TNPO1: variants seen among roughly 807,000 people sequenced by gnomAD.
TNPO1 encodes transportin 1, also known as transportin-1.
TNPO1 carries 8 observed loss-of-function variants against 119.5 expected under a neutral mutation model. The ratio of observed to expected loss-of-function variants is 0.07; its 90% CI spans 0.04 to 0.12. The LOEUF (loss-of-function observed/expected upper bound fraction) is 0.12. TNPO1 is among the 10% of genes least tolerant of loss of function. The pLI, the probability that TNPO1 is intolerant of heterozygous loss-of-function variation, is 1.00. For synonymous variants in TNPO1, 362 were observed against 363.0 expected (o/e 1.00, Z 0.03); for missense variants, 576 against 1,089.8 (o/e 0.53, Z 6.64).
At chr5:72,887,530 C>G (rs1201819641) in intron 12 of TNPO1, among the ~76,000 whole-genome samples, 2 of 152,052 alleles carry the variant, frequency 1.3e-5, no homozygotes, top group African/African-American at 4.8e-5. Context: ...GCTAAAAATA[C>G]AAAAATTAGC....
intron 4 of TNPO1, among the ~76,000 whole-genome samples, chr5:72,860,915 T>C (rs1196415316): frequency 7.0e-6 from 1 of 142,320 alleles, no homozygotes; most frequent in Non-Finnish European, 1.5e-5. Flanking sequence ...TAAATTAGAA[T>C]TTTTTTTTTT....
intron 1 of TNPO1, among the ~76,000 whole-genome samples, chr5:72,834,150 T>C (rs1374680070): frequency 6.6e-6 from 1 of 152,218 alleles, no homozygotes; most frequent in Non-Finnish European, 1.5e-5. Context: ...GGCCCTGGTG[T>C]AAATAAACCT....
At chr5:72,837,116 G>A (rs1309634154) in intron 1 of TNPO1, among the ~76,000 whole-genome samples, 2 of 152,044 alleles carry the variant, frequency 1.3e-5, no homozygotes, top group African/African-American at 4.8e-5. Context: ...ACATTTTTAG[G>A]TATTTCTTAT....
intron 19 of TNPO1, 90 bp downstream of exon 19, chr5:72,896,646 G>C (rs1749448144): frequency 1.1e-6 from 1 of 947,862 alleles, no homozygotes; most frequent in East Asian, 2.9e-5. Flanking sequence ...GAGGCGGGCA[G>C]ATCACCTGAG....
chr5:72,873,616 T>A (rs1341199348), intron 7 of TNPO1, among the ~76,000 whole-genome samples: 1 of 152,154 alleles, frequency 6.6e-6, no homozygotes, highest in African/African-American at 2.4e-5. Context: ...CTAGGGATAC[T>A]TAAATTTTAT....
chr5:72,868,897 A>T (rs534050403), intron 6 of TNPO1, among the ~76,000 whole-genome samples: 1 of 151,996 alleles, frequency 6.6e-6, no homozygotes, highest in African/African-American at 2.4e-5. Flanking sequence ...AATCCTAGCT[A>T]CTCGGGAGGC....
intron 1 of TNPO1, chr5:72,848,091 G>C: frequency 1.8e-6 from 2 of 1,106,586 alleles, no homozygotes; most frequent in African/African-American, 3.3e-5. Flanking sequence ...CCCGTGAGCG[G>C]ATCTTGGGGC....
intron 18 of TNPO1, among the ~76,000 whole-genome samples, chr5:72,894,512 A>AG (rs1431556782): frequency 1.3e-5 from 2 of 152,216 alleles, no homozygotes; most frequent in African/African-American, 4.8e-5. Context: ...TCTACTAAAA[A>AG]TACAAAAACT....
chr5:72,832,805 G>T (rs1278838530), intron 1 of TNPO1, among the ~76,000 whole-genome samples: 1 of 152,142 alleles, frequency 6.6e-6, no homozygotes, highest in African/African-American at 2.4e-5. Context: ...AGTAGATGGG[G>T]AATGAATTCT....
At chr5:72,873,127 A>G (rs1412553239) in intron 7 of TNPO1, among the ~76,000 whole-genome samples, 4 of 152,160 alleles carry the variant, frequency 2.6e-5, no homozygotes, top group African/African-American at 9.7e-5. Context: ...GGCACAGACT[A>G]CAAGGACAGT....
rs1442374915 is a variant in TNPO1 at position 72,909,435 on chromosome 5, T to TA, written c.*764dup. ...GCATATCAAACTAAAGATGACATCT[T>TA]AATTTTGCATTGAACATTAATGTAG... On this transcript the variant is annotated 3_prime_UTR_variant, in exon 25 of 25. Transcript: ENST00000337273. The TA allele has an allele frequency of 6.6e-6, 1 of 152,194 alleles. No individual in the cohort carries two copies. The highest frequency in any genetic ancestry group is 2.4e-5 in the African/African-American group (1 of 41,456). 9.4% of individuals were successfully genotyped at this position (152,194 alleles called of 1,614,324 possible).
rs547496715 is a variant in TNPO1 at position 72,912,913 on chromosome 5, A to G, written c.*4240A>G. The G allele has an allele frequency of 3.9e-5, 6 of 152,630 alleles. No individual in the cohort carries two copies. The highest frequency in any genetic ancestry group is 4.1e-4 in the South Asian group (2 of 4,828). The allele number at this position is 152,630 out of a possible 1,614,324, so 9.5% of individuals were successfully genotyped here. ...GAAGAGTGTATCATGCATAACTGCA[A>G]TTTAAGTCCTTCCTTTGATAATACT... is the stretch of plus-strand genomic sequence containing the variant. On this transcript the variant is annotated 3_prime_UTR_variant, in exon 25 of 25. Transcript: ENST00000337273.
chr5:72,875,846 G>C, intron 8 of TNPO1, 109 bp downstream of exon 8: 1 of 1,263,832 alleles, frequency 7.9e-7, no homozygotes. Context: ...AGTTATAATT[G>C]TCTTAAAATT....
At chr5:72,896,811 G>A (rs566011243) in intron 19 of TNPO1, among the ~76,000 whole-genome samples, 2 of 152,204 alleles carry the variant, frequency 1.3e-5, no homozygotes, top group Non-Finnish European at 2.9e-5. Context: ...AGAGGTTTCA[G>A]TGAGCTGAGA....
In TNPO1 at chr5:72,909,965, A is replaced by T. The variant is rs1750448166; in HGVS notation, c.*1292A>T. 6.6e-6 allele frequency: 1 copy of T among 152,628 alleles called. No individual in the cohort carries two copies. The highest frequency in any genetic ancestry group is 1.5e-5 in the Non-Finnish European group (1 of 68,042). 9.5% of individuals were successfully genotyped at this position (152,628 alleles called of 1,614,324 possible). A position where few individuals can be genotyped will look rare whatever the true frequency, so the allele number is the denominator to read the frequency against. ...TAAAATTTAAATTACGTGGTAAAAG[A>T]TCTGTAAAAGGCTGCATAAATGTTA... On this transcript the variant is annotated 3_prime_UTR_variant, in exon 25 of 25. Coordinates refer to ENST00000337273, the MANE Select transcript of TNPO1 (RefSeq NM_002270.4).
chr5:72,865,468 T>G, intron 5 of TNPO1, 128 bp from the exon 6 acceptor site: 2 of 1,053,556 alleles, frequency 1.9e-6, no homozygotes, highest in Non-Finnish European at 2.7e-6. Context: ...ATTAAATTTA[T>G]GGATTTTAGA....
At position 72,905,419 on chromosome 5, in the gene TNPO1, A is replaced by C; in HGVS notation, c.*9A>C. On this transcript the variant is annotated 3_prime_UTR_variant, in exon 24 of 25. Coordinates refer to ENST00000337273, the MANE Select transcript of TNPO1 (RefSeq NM_002270.4). ...CTTTTTATGGTGTTTAATCTAATAC[A>C]CTTAAGCTGCAGTCCCAAAATTAGG... 1 of 1,576,240 alleles carries C rather than the reference A, an allele frequency of 6.3e-7. No homozygotes were observed. The highest frequency in any genetic ancestry group is 1.7e-4 in the Middle Eastern group (1 of 5,734).
intron 18 of TNPO1, among the ~76,000 whole-genome samples, chr5:72,895,052 T>C (rs1331239623): frequency 1.3e-5 from 2 of 152,232 alleles, no homozygotes; most frequent in African/African-American, 2.4e-5. Flanking sequence ...AGATCTCAGA[T>C]ATTTTGGAGC....
rs1750706888 is a variant in TNPO1 at position 72,913,706 on chromosome 5, G to C, written c.*5033G>C. On this transcript the variant is annotated 3_prime_UTR_variant, in exon 25 of 25. Coordinates refer to ENST00000337273, the MANE Select transcript of TNPO1 (RefSeq NM_002270.4). ...TTAAAAGCCTATTATAACATGGTTA[G>C]CCTATAAGGCAGTGTTGGTCCCCTT... The C allele has an allele frequency of 6.6e-6, 1 of 152,494 alleles. No individual in the cohort carries two copies. The highest frequency in any genetic ancestry group is 1.5e-5 in the Non-Finnish European group (1 of 67,948). The allele number at this position is 152,494 out of a possible 1,614,324, so 9.4% of individuals were successfully genotyped here.
Sources: gnomAD v4.1 joint callset for allele counts (sites outside exome capture counted in the v4.1 genomes callset) on GRCh38, gnomAD v4.1.1 for gene constraint, MANE v1.5 for transcripts, NCBI Gene and HGNC (gene_info 2026-07-23, HGNC 2026-07-21) for gene names.